Variants in CHD2 observed in about 807,000 individuals in gnomAD.
CHD2 encodes the protein chromodomain helicase DNA binding protein 2, also known as ATP-dependent chromatin remodeler CHD2.
CHD2 carries 28 observed loss-of-function variants against 243.9 expected under a neutral mutation model. The ratio of observed to expected loss-of-function variants is 0.11; its 90% CI spans 0.09 to 0.16. The LOEUF (loss-of-function observed/expected upper bound fraction) is 0.16. CHD2 is among the 10% of genes least tolerant of loss of function. CHD2 has a pLI of 1.00. For missense variants in CHD2, 1,386 were observed against 2,209.8 expected (o/e 0.63, Z 7.47); for synonymous variants, 775 against 779.0 (o/e 0.99, Z 0.09).
At chr15:92,964,092 C>T (rs554667554) in intron 16 of CHD2, among the ~76,000 whole-genome samples, 7 of 152,128 alleles carry the variant, frequency 4.6e-5, no homozygotes, top group Admixed American at 4.6e-4. Context: ...ATATATCCTT[C>T]TTTTGTAATT....
chr15:92,924,600 G>A (rs1316003544), intron 3 of CHD2, 48 bp downstream of exon 3: 4 of 1,516,032 alleles, frequency 2.6e-6, no homozygotes, highest in Non-Finnish European at 3.7e-6. Context: ...CCTAGGACAA[G>A]CTAGCAGACC....
intron 5 of CHD2, among the ~76,000 whole-genome samples, chr15:92,935,551 T>G (rs1469181984): frequency 2.0e-5 from 3 of 152,112 alleles, no homozygotes; most frequent in African/African-American, 7.2e-5. Context: ...TGAATCTTTC[T>G]TATCTGAAGG....
intron 5 of CHD2, among the ~76,000 whole-genome samples, chr15:92,934,344 G>A (rs1168164490): frequency 1.3e-5 from 2 of 152,136 alleles, no homozygotes; most frequent in Non-Finnish European, 2.9e-5. Context: ...GGGGCCTCTT[G>A]GCTAAATCTT....
At chr15:92,978,804 A>G (rs970323170) in intron 21 of CHD2, among the ~76,000 whole-genome samples, 2 of 152,194 alleles carry the variant, frequency 1.3e-5, no homozygotes, top group African/African-American at 4.8e-5. Context: ...AGTCTGTTCT[A>G]TATTGGATAA....
At position 92,952,075 on chromosome 15, in the gene CHD2, A is replaced by C. The variant is rs1276394314; in HGVS notation, c.1503-1282A>C. Among the ~76,000 whole-genome samples, 5 of 152,324 alleles carry C rather than the reference A, an allele frequency of 3.3e-5. No individual in the cohort carries two copies. In the South Asian group the frequency reaches 1.0e-3, roughly 32 times the overall value. On this transcript the variant is annotated intron_variant, in intron 13 of 38. Coordinates refer to ENST00000394196, the MANE Select transcript of CHD2 (RefSeq NM_001271.4). ...ACCTTTTTATAATGTTTGCAATCTG[A>C]TGTCTTACATGTAATCCTAATTTCC...
chr15:92,917,903 A>T (rs2052873676), intron 2 of CHD2, among the ~76,000 whole-genome samples: 1 of 152,252 alleles, frequency 6.6e-6, no homozygotes, highest in Non-Finnish European at 1.5e-5. Context: ...TATCACTGGC[A>T]GGAAGTTAGC....
chr15:92,972,312 G>A lies in CHD2; in HGVS notation c.2400G>A (p.Leu800=). 6.2e-7 allele frequency: 1 copy of A among 1,612,790 alleles called. No homozygotes were observed. Among genetic ancestry groups the A allele is most frequent in the South Asian group, 1.1e-5 (1 of 90,942 alleles). ...SGKLILLDKL[L]TRLRERGNRV... is the part of the protein sequence containing the mutation. ...AGTTGATTTTATTAGACAAACTGTT[G>A]ACAAGACTTCGAGAAAGGGGGAATC... Residue 800 remains leucine, a synonymous_variant, in exon 19 of 39, where the codon TTG becomes TTA. Coordinates refer to ENST00000394196, the MANE Select transcript of CHD2 (RefSeq NM_001271.4).
rs149122987 is a variant in CHD2, at chr15:92,951,458, A to G, written c.1503-1899A>G. On this transcript the variant is annotated intron_variant, in intron 13 of 38. Transcript: ENST00000394196. ...AGTGCTGGGATTACAGCCATGAGCC[A>G]CCGTGCCTGGCCAGCATTTTTTTAC... Among the ~76,000 whole-genome samples, 1,230 of 152,296 alleles carry G rather than the reference A, an allele frequency of 8.1e-3. 56 individuals are homozygous for G. The highest frequency in any genetic ancestry group is 0.069 in the Admixed American group (1,055 of 15,302).
At chr15:93,020,385 C>T (rs1309240457) in intron 38 of CHD2, 127 bp downstream of exon 38, 4 of 1,177,888 alleles carry the variant, frequency 3.4e-6, no homozygotes, top group Non-Finnish European at 4.9e-6. Context: ...CATGTGTCAG[C>T]CACAGCGAAT....
chr15:93,013,767 T>G (rs933429285), intron 36 of CHD2, among the ~76,000 whole-genome samples: 4 of 151,842 alleles, frequency 2.6e-5, no homozygotes, highest in African/African-American at 9.7e-5. Flanking sequence ...AAGCCTCATC[T>G]CTACATAAAC....
intron 9 of CHD2, 181 bp from the exon 10 acceptor site, chr15:92,944,234 G>GT (rs901276994): frequency 2.0e-4 from 88 of 449,680 alleles, no homozygotes; most frequent in East Asian, 6.3e-4. Context: ...CTCTAAAAGT[G>GT]TTTTTTTTGT....
intron 19 of CHD2, among the ~76,000 whole-genome samples, chr15:92,973,755 C>T (rs1469582660): frequency 6.6e-6 from 1 of 152,118 alleles, no homozygotes; most frequent in African/African-American, 2.4e-5. Context: ...AAGAATGCAT[C>T]GTTTTTCTCT....
intron 2 of CHD2, among the ~76,000 whole-genome samples, chr15:92,906,662 A>ATTTTT: frequency 9.7e-6 from 1 of 103,278 alleles, no homozygotes; most frequent in South Asian, 3.3e-4. Flanking sequence ...GCTATGAGCC[A>ATTTTT]TCTTTTTTTT....
rs2054209098 is a variant in CHD2 at position 92,998,110 on chromosome 15, T to C, written c.3886-389T>C. On this transcript the variant is annotated intron_variant, in intron 30 of 38. Coordinates refer to ENST00000394196, the MANE Select transcript of CHD2 (RefSeq NM_001271.4). This position sits in a 1 kb window ranked among gnomAD's most constrained non-coding sequence, Gnocchi z 5.1. ...AGCTCAGTGCTCTCCGGCAATGCTC[T>C]AAGAAGCATTTTCAATCTAAAACGA... is the stretch of plus-strand genomic sequence containing the variant. 5.6e-6 allele frequency: 5 copies of C among 892,170 alleles called. No individual in the cohort carries two copies. The highest frequency in any genetic ancestry group is 6.8e-6 in the Non-Finnish European group (5 of 737,814). The allele number at this position is 892,170 out of a possible 1,614,324, so 55.3% of individuals were successfully genotyped here.
chr15:92,921,007 G>A (rs2052944836), intron 2 of CHD2, among the ~76,000 whole-genome samples: 1 of 152,068 alleles, frequency 6.6e-6, no homozygotes, highest in South Asian at 2.1e-4. Flanking sequence ...AGGTCAGCAT[G>A]TGTGTCATTG....
rs144667627 is a variant in CHD2 at position 92,924,483 on chromosome 15, C to G, written c.225C>G (p.Ser75=). ...ESESESAGSK[S]QPVLPEAKEK... ...AGAGCGAATCAGCAGGTTCCAAATCCCAGCCAGTCCTCCCAGAAGCCAAAG... is the reference window on the plus strand; with the variant it reads ...AGAGCGAATCAGCAGGTTCCAAATCGCAGCCAGTCCTCCCAGAAGCCAAAG... Residue 75 remains serine, a synonymous_variant, in exon 3 of 39, where the codon TCC becomes TCG. Transcript: ENST00000394196. 2.2e-5 allele frequency: 35 copies of G among 1,613,948 alleles called. No individual in the cohort carries two copies. The highest frequency in any genetic ancestry group is 2.9e-5 in the Non-Finnish European group (34 of 1,180,018).
intron 5 of CHD2, among the ~76,000 whole-genome samples, chr15:92,936,691 T>A (rs749647510): frequency 2.6e-5 from 4 of 152,188 alleles, no homozygotes; most frequent in Admixed American, 6.6e-5. Flanking sequence ...TTTCCTTAAA[T>A]GTATTCTAGA....
chr15:92,961,876 C>CTTTTTTTTTTTTTTTTTTT (rs3064790), intron 16 of CHD2, among the ~76,000 whole-genome samples: 19 of 78,622 alleles, frequency 2.4e-4, no homozygotes, highest in East Asian at 1.1e-3. Flanking sequence ...TTTTTCTTCT[C>CTTTTTTTTTTTTTTTTTTT]TTTTTTTTTT....
intron 2 of CHD2, among the ~76,000 whole-genome samples, chr15:92,917,429 G>A (rs2052861802): frequency 6.6e-6 from 1 of 152,102 alleles, no homozygotes; most frequent in Admixed American, 6.5e-5. Flanking sequence ...GGTGCAGTGG[G>A]GCATGCCTGT....
Sources: allele counts gnomAD v4.1 joint callset (sites outside exome capture counted in the v4.1 genomes callset), GRCh38; gene constraint gnomAD v4.1.1; non-coding constraint Gnocchi (gnomAD v3.1); transcripts MANE v1.5; gene names NCBI Gene and HGNC (gene_info 2026-07-23, HGNC 2026-07-21).